The following CIB4 variants were observed in gnomAD, a reference collection of about 807,000 sequenced individuals.
CIB4 encodes calcium and integrin-binding family member 4.
A neutral mutation model predicts 25.8 loss-of-function variants in CIB4; 25 were observed. That is an observed-to-expected ratio of 0.97 (90% confidence interval 0.71 to 1.35). The LOEUF is 1.35. Among genes scored for constraint, CIB4 ranks in the 40% most tolerant of loss-of-function variants. CIB4 has a pLI of 0.00. For synonymous variants in CIB4, 75 were observed against 81.4 expected (o/e 0.92, Z 0.42); for missense variants, 235 against 228.2 (o/e 1.03, Z -0.19).
chr2:26,638,241 G>T (rs879531002), intron 2 of CIB4, among the ~76,000 whole-genome samples: 1 of 152,158 alleles, frequency 6.6e-6, no homozygotes, highest in Non-Finnish European at 1.5e-5. Flanking sequence ...CCAACACAAC[G>T]CGGAGCCAAA....
At chr2:26,588,410 C>A (rs550264228) in intron 4 of CIB4, among the ~76,000 whole-genome samples, 1 of 152,310 alleles carries the variant, frequency 6.6e-6, no homozygotes, top group African/African-American at 2.4e-5. Context: ...CCAGCCCAGG[C>A]GGCCTCTGCA....
intron 3 of CIB4, among the ~76,000 whole-genome samples, chr2:26,601,755 A>G (rs1043596403): frequency 6.6e-6 from 1 of 152,244 alleles, no homozygotes; most frequent in Non-Finnish European, 1.5e-5. Flanking sequence ...AGGTACTTCC[A>G]CAGGTGAATG....
At chr2:26,632,743 G>A (rs1396154268) in intron 2 of CIB4, among the ~76,000 whole-genome samples, 1 of 144,388 alleles carries the variant, frequency 6.9e-6, no homozygotes, top group Admixed American at 7.0e-5. Context: ...GGGCGACAGA[G>A]TGAGACTCCA....
In CIB4 at chr2:26,634,529, T is replaced by C. The variant is rs532991478; in HGVS notation, c.90-5023A>G. ...AATGACAGATTTGATCTTCTGGTTG[T>C]CCTAATAACAACCTTGTGAGATTAG... On this transcript the variant is annotated intron_variant, in intron 2 of 6. Coordinates refer to ENST00000288861, the MANE Select transcript of CIB4 (RefSeq NM_001029881.3). Among the ~76,000 whole-genome samples the C allele has an allele frequency of 2.6e-5, 4 of 152,334 alleles. No homozygotes were observed. In the South Asian group the frequency reaches 6.2e-4, roughly 24 times the overall value.
At chr2:26,582,763 T>C (rs1668371102) in intron 6 of CIB4, 62 bp downstream of exon 6, 3 of 989,588 alleles carry the variant, frequency 3.0e-6, no homozygotes, top group Non-Finnish European at 4.8e-6. Flanking sequence ...GAGGAGAGAC[T>C]GGGGGCCCTT....
At chr2:26,586,018 T>A (rs903656497) in intron 4 of CIB4, among the ~76,000 whole-genome samples, 3 of 152,098 alleles carry the variant, frequency 2.0e-5, no homozygotes, top group African/African-American at 7.2e-5. Flanking sequence ...TGGCAAATCC[T>A]CCCAGCTCCC....
rs147692073 is a variant in CIB4, at chr2:26,641,258, C to T, written c.54+3G>A. On this transcript the variant is annotated splice_donor_region_variant and intron_variant, in intron 1 of 6. Transcript: ENST00000288861. ...CCCAGAGTCCCTAGCCCGATCTACC[C>T]ACCTGGTACTCTTCCAGGTCCTCCC... The T allele has an allele frequency of 1.5e-5, 24 of 1,610,760 alleles. No homozygotes were observed. The highest frequency in any genetic ancestry group is 8.3e-5 in the Admixed American group (5 of 59,998).
intron 4 of CIB4, among the ~76,000 whole-genome samples, chr2:26,585,881 C>T (rs972906446): frequency 1.3e-5 from 2 of 152,098 alleles, no homozygotes; most frequent in Admixed American, 1.3e-4. Flanking sequence ...CAGCCCTTAC[C>T]TCTAGACCTG....
chr2:26,636,208 T>C (rs1260246420), intron 2 of CIB4, among the ~76,000 whole-genome samples: 1 of 152,206 alleles, frequency 6.6e-6, no homozygotes, highest in African/African-American at 2.4e-5. Flanking sequence ...TTTTCCTGAA[T>C]GAATATTCAG....
intron 3 of CIB4, 90 bp from the exon 4 acceptor site, chr2:26,595,407 C>A: frequency 1.4e-6 from 2 of 1,409,690 alleles, no homozygotes; most frequent in Non-Finnish European, 2.0e-6. Context: ...AACACTGTGT[C>A]CTGGGTTTGA....
intron 6 of CIB4, among the ~76,000 whole-genome samples, chr2:26,582,586 C>A (rs1340933836): frequency 6.6e-6 from 1 of 152,178 alleles, no homozygotes; most frequent in Non-Finnish European, 1.5e-5. Context: ...GAGGTTGGAG[C>A]TGTGACGTCA....
intron 2 of CIB4, among the ~76,000 whole-genome samples, chr2:26,637,825 G>A (rs1669562088): frequency 6.6e-6 from 1 of 152,146 alleles, no homozygotes; most frequent in Admixed American, 6.5e-5. Context: ...GACTCCCCTT[G>A]GTTTAAAGCA....
At chr2:26,625,675 C>T (rs182374646) in intron 3 of CIB4, among the ~76,000 whole-genome samples, 1 of 152,218 alleles carries the variant, frequency 6.6e-6, no homozygotes, top group South Asian at 2.1e-4. Flanking sequence ...TCCACCCCCC[C>T]ACTGCTTCCC....
chr2:26,637,267 G>A (rs1264601147), intron 2 of CIB4, among the ~76,000 whole-genome samples: 4 of 152,116 alleles, frequency 2.6e-5, no homozygotes, highest in South Asian at 2.1e-4. Flanking sequence ...GCCTTTCTGC[G>A]TTCTCGATTC....
chr2:26,600,359 G>A (rs750366889), intron 3 of CIB4, among the ~76,000 whole-genome samples: 11 of 151,698 alleles, frequency 7.3e-5, no homozygotes, highest in African/African-American at 1.7e-4. Context: ...AGCCGAGATC[G>A]TGCCACTGCA....
chr2:26,625,718 T>C (rs1669291540), intron 3 of CIB4, among the ~76,000 whole-genome samples: 1 of 152,246 alleles, frequency 6.6e-6, no homozygotes, highest in South Asian at 2.1e-4. Context: ...TTGTTTGCTG[T>C]GCAGAAGCTC....
intron 2 of CIB4, among the ~76,000 whole-genome samples, chr2:26,637,578 C>G (rs190397525): frequency 1.1e-4 from 17 of 152,238 alleles, no homozygotes; most frequent in Non-Finnish European, 2.1e-4. Context: ...CTATATCAAA[C>G]AGAAAGCTCT....
intron 5 of CIB4, 85 bp downstream of exon 5, chr2:26,583,704 G>A: frequency 1.2e-6 from 1 of 862,696 alleles, no homozygotes; most frequent in Non-Finnish European, 2.0e-6. Context: ...CTCCCAAGAG[G>A]GTGGCCTGAC....
At chr2:26,620,661 T>C (rs1572564679) in intron 3 of CIB4, among the ~76,000 whole-genome samples, 1 of 152,134 alleles carries the variant, frequency 6.6e-6, no homozygotes, top group African/African-American at 2.4e-5. Flanking sequence ...TCAGTGAAGC[T>C]CCCAGTTGAT....
Sources: gnomAD v4.1 joint callset for allele counts (sites outside exome capture counted in the v4.1 genomes callset) on GRCh38, gnomAD v4.1.1 for gene constraint, MANE v1.5 for transcripts, NCBI Gene and HGNC (gene_info 2026-07-23, HGNC 2026-07-21) for gene names.